Variants in ICE2 observed in about 807,000 individuals in gnomAD.
The protein encoded by ICE2 is interactor of little elongation complex ELL subunit 2.
In ICE2, 87 loss-of-function variants were observed where a neutral mutation model predicts 105.4. The ratio of observed to expected loss-of-function variants is 0.83; its 90% CI spans 0.69 to 0.99. The LOEUF (loss-of-function observed/expected upper bound fraction) is 0.99. Among genes scored for constraint, ICE2 ranks in the 50% least tolerant of loss-of-function variants. The pLI, the probability that ICE2 is intolerant of heterozygous loss-of-function variation, is 0.00. For synonymous variants in ICE2, 399 were observed against 392.0 expected (o/e 1.02, Z -0.21); for missense variants, 1,323 against 1,146.7 (o/e 1.15, Z -2.22).
intron 8 of ICE2, chr15:60,454,784 C>A (rs960299799): frequency 1.7e-5 from 7 of 413,752 alleles, no homozygotes; most frequent in Non-Finnish European, 2.1e-5. Context: ...GTTTGCTGCA[C>A]GTATCAACCT....
At chr15:60,424,620 G>C (rs977290486) in intron 15 of ICE2, among the ~76,000 whole-genome samples, 2 of 152,156 alleles carry the variant, frequency 1.3e-5, no homozygotes, top group African/African-American at 2.4e-5. Flanking sequence ...CGATTCTCCT[G>C]ACTCCAGACT....
intron 5 of ICE2, among the ~76,000 whole-genome samples, chr15:60,465,803 T>A (rs2064409662): frequency 6.7e-6 from 1 of 150,228 alleles, no homozygotes; most frequent in Non-Finnish European, 1.5e-5. Context: ...TAGGCTGGAC[T>A]GCAATGGCAC....
At chr15:60,426,974 TA>T (rs751116234) in intron 15 of ICE2, among the ~76,000 whole-genome samples, 6 of 152,318 alleles carry the variant, frequency 3.9e-5, no homozygotes, top group Non-Finnish European at 4.4e-5. Flanking sequence ...AAACTGAAGA[TA>T]AAATAGCTTA....
In ICE2 at chr15:60,464,041, G is replaced by A. The variant is rs145113825; in HGVS notation, c.528+2553C>T. On this transcript the variant is annotated intron_variant, in intron 5 of 15. Coordinates refer to ENST00000261520, the MANE Select transcript of ICE2 (RefSeq NM_024611.6). ...TTAAGCTGCATCTATTTTTTCTTTCGTTCTATATACTTTTCCATATGTACG... is the reference window on the plus strand; with the variant it reads ...TTAAGCTGCATCTATTTTTTCTTTCATTCTATATACTTTTCCATATGTACG... Among the ~76,000 whole-genome samples, 37 of 152,008 alleles carry A rather than the reference G, an allele frequency of 2.4e-4. No homozygotes were observed. In the East Asian group the frequency reaches 5.6e-3, roughly 23 times the overall value.
At chr15:60,436,419 T>C (rs1452767149) in intron 12 of ICE2, among the ~76,000 whole-genome samples, 192 bp from the exon 13 acceptor site, 1 of 151,954 alleles carries the variant, frequency 6.6e-6, no homozygotes, top group Admixed American at 6.6e-5. Context: ...TAATTCAGAT[T>C]ATAAAACATT....
At position 60,453,624 on chromosome 15, in the gene ICE2, T is replaced by C. The variant is rs2141080825; in HGVS notation, c.1104A>G (p.Glu368=). 6.2e-7 allele frequency: 1 copy of C among 1,613,508 alleles called. No homozygotes were observed. Among genetic ancestry groups the C allele is most frequent in the Non-Finnish European group, 8.5e-7 (1 of 1,179,542 alleles). ...ATACGTCCATTTCAGATATAAACTCTTCAGGTTTGTCCATAAAGACTGCAG... is the reference window on the plus strand; with the variant it reads ...ATACGTCCATTTCAGATATAAACTCCTCAGGTTTGTCCATAAAGACTGCAG... The part of the protein sequence containing the change: ...PVSAVFMDKP[E]EFISEMDMSC... Residue 368 remains glutamate (E), a synonymous_variant, in exon 9 of 16, where the codon GAA becomes GAG. Transcript: ENST00000261520.
chr15:60,435,342 G>A (rs565260091), intron 13 of ICE2, among the ~76,000 whole-genome samples: 1 of 151,512 alleles, frequency 6.6e-6, no homozygotes, highest in Non-Finnish European at 1.5e-5. Context: ...GCTCACACCT[G>A]TAATCCCAGC....
chr15:60,459,372 C>T (rs187142362), intron 5 of ICE2, among the ~76,000 whole-genome samples: 1 of 152,170 alleles, frequency 6.6e-6, no homozygotes, highest in Non-Finnish European at 1.5e-5. Context: ...CTTTAAATGT[C>T]GTGGAAAAAA....
intron 14 of ICE2, among the ~76,000 whole-genome samples, chr15:60,431,059 A>C (rs1353822444): frequency 6.7e-6 from 1 of 150,058 alleles, no homozygotes; most frequent in African/African-American, 2.5e-5. Flanking sequence ...TTTTTAGTAG[A>C]GACGGGGTTT....
intron 9 of ICE2, chr15:60,452,023 C>T (rs1353831458): frequency 3.3e-6 from 3 of 896,740 alleles, no homozygotes; most frequent in Non-Finnish European, 4.0e-6. Context: ...AAAGGAGGGT[C>T]CAAATTACCT....
chr15:60,469,305 G>C (rs2064517995), intron 3 of ICE2, among the ~76,000 whole-genome samples: 2 of 152,134 alleles, frequency 1.3e-5, no homozygotes, highest in Non-Finnish European at 1.5e-5. Context: ...GGTGGGGTTG[G>C]GGTAGGAGAA....
chr15:60,462,014 T>C (rs1479571334), intron 5 of ICE2, among the ~76,000 whole-genome samples: 1 of 152,112 alleles, frequency 6.6e-6, no homozygotes, highest in African/African-American at 2.4e-5. Context: ...CATGATTTAA[T>C]AATAACATTT....
rs1209341907 is a variant in ICE2 at position 60,420,956 on chromosome 15, C to A, written c.*2678G>T. The A allele has an allele frequency of 1.3e-5, 2 of 149,270 alleles. No homozygotes were observed. The highest frequency in any genetic ancestry group is 4.9e-5 in the African/African-American group (2 of 40,948). The allele number at this position is 149,270 out of a possible 1,614,324, so 9.2% of individuals were successfully genotyped here. A position where few individuals can be genotyped will look rare whatever the true frequency, so the allele number is the denominator to read the frequency against. ...TTAATGGTGAACAAAACAAATATGCCCCTGTCCTTGCAGAGCTTGTAATCT... is the reference window on the plus strand; with the variant it reads ...TTAATGGTGAACAAAACAAATATGCACCTGTCCTTGCAGAGCTTGTAATCT... On this transcript the variant is annotated 3_prime_UTR_variant, in exon 16 of 16. Transcript: ENST00000261520.
chr15:60,467,769 A>G (rs895340015), intron 4 of ICE2, among the ~76,000 whole-genome samples: 3 of 152,212 alleles, frequency 2.0e-5, no homozygotes, highest in Non-Finnish European at 4.4e-5. Context: ...GAGAATTTGG[A>G]AATGTCTTAA....
chr15:60,445,719 T>C, intron 11 of ICE2: 1 of 985,142 alleles, frequency 1.0e-6, no homozygotes, highest in Non-Finnish European at 1.2e-6. Flanking sequence ...AGAATTAAAC[T>C]GGTATCCAAA....
intron 11 of ICE2, 164 bp from the exon 12 acceptor site, chr15:60,442,709 T>G: frequency 4.0e-6 from 2 of 501,230 alleles, no homozygotes; most frequent in East Asian, 3.8e-5. Context: ...CATTCAGGCC[T>G]GATGAATAGA....
chr15:60,452,929 C>CT lies in ICE2; in HGVS notation c.1125+673dup, dbSNP rs1465271894. 7 of 985,406 alleles carry CT rather than the reference C, an allele frequency of 7.1e-6. No individual in the cohort carries two copies. In the African/African-American group the frequency reaches 1.0e-4, roughly 15 times the overall value. 61.0% of individuals were successfully genotyped at this position (985,406 alleles called of 1,614,324 possible). A position where few individuals can be genotyped will look rare whatever the true frequency, so the allele number is the denominator to read the frequency against. ...TTAAGCTCACCTGTTCCTTTTCACA[C>CT]TTAAAAACTCTTAGATATGGGTCAG... is the stretch of plus-strand genomic sequence containing the variant. On this transcript the variant is annotated intron_variant, in intron 9 of 15. Transcript: ENST00000261520.
chr15:60,441,324 T>C (rs987676860), intron 12 of ICE2: 1 of 152,194 alleles, frequency 6.6e-6, no homozygotes, highest in Non-Finnish European at 1.5e-5. Context: ...ATTATCTACT[T>C]AATACTCTCA....
At chr15:60,474,625 T>C (rs975063154) in intron 3 of ICE2, among the ~76,000 whole-genome samples, 1 of 152,220 alleles carries the variant, frequency 6.6e-6, no homozygotes, top group African/African-American at 2.4e-5. Flanking sequence ...TTAATTTACA[T>C]TTAAGTTATT....
Sources: allele counts gnomAD v4.1 joint callset (sites outside exome capture counted in the v4.1 genomes callset), GRCh38; gene constraint gnomAD v4.1.1; transcripts MANE v1.5; gene names NCBI Gene and HGNC (gene_info 2026-07-23, HGNC 2026-07-21).